The following RTL4 variants were observed in gnomAD, a reference collection of about 807,000 sequenced individuals.
RTL4 encodes the protein retrotransposon Gag-like protein 4.
RTL4 carries 4 observed loss-of-function variants against 5.3 expected under a neutral mutation model. The ratio of observed to expected loss-of-function variants is 0.75; its 90% CI spans 0.37 to 1.72. The LOEUF (loss-of-function observed/expected upper bound fraction) is 1.72. Ranked by LOEUF, RTL4 falls within the 40% of genes most tolerant of loss-of-function variation. The pLI is 0.04. For missense variants in RTL4, 260 were observed against 227.1 expected (o/e 1.14, Z -0.93); for synonymous variants, 98 against 87.3 (o/e 1.12, Z -0.68).
chrX:112,148,556 C>T, the RTL4 span, among the ~76,000 whole-genome samples: 6 of 111,144 alleles, frequency 5.4e-5, no homozygotes, highest in Admixed American at 1.9e-4. Flanking sequence ...GGAGTTTGAC[C>T]TACTGGTCAG....
At chrX:112,226,102 T>C in the RTL4 span, among the ~76,000 whole-genome samples, 1 of 111,872 alleles carries the variant, frequency 8.9e-6, no homozygotes, top group East Asian at 2.8e-4. Context: ...AGGGTGTGAG[T>C]AGGAAGTTGG....
the RTL4 span, among the ~76,000 whole-genome samples, chrX:112,169,563 TTAA>T: frequency 9.0e-6 from 1 of 111,334 alleles, no homozygotes; most frequent in South Asian, 3.8e-4. Context: ...GGCACCAGAG[TTAA>T]TAAGGGACCT....
At chrX:112,252,761 G>C in the RTL4 span, among the ~76,000 whole-genome samples, 1 of 111,104 alleles carries the variant, frequency 9.0e-6, no homozygotes. Context: ...GGTGCCACTT[G>C]CTAGCTGATA....
chrX:112,306,453 TATC>T, the RTL4 span, among the ~76,000 whole-genome samples: 1 of 111,417 alleles, frequency 9.0e-6, no homozygotes, highest in Non-Finnish European at 1.9e-5. Context: ...TCAATTCTAT[TATC>T]CTCATTTTAC....
At chrX:112,126,123 C>G in the RTL4 span, among the ~76,000 whole-genome samples, 2 of 111,715 alleles carry the variant, frequency 1.8e-5, no homozygotes, top group African/African-American at 6.5e-5. Context: ...TGAAAAGTTG[C>G]CTTAACCTTG....
the RTL4 span, among the ~76,000 whole-genome samples, chrX:112,201,187 G>A: frequency 9.0e-6 from 1 of 110,574 alleles, no homozygotes; most frequent in East Asian, 2.9e-4. Context: ...ATCAGGTTTC[G>A]TAAGAACTCA....
chrX:112,099,168 A>G, the RTL4 span, among the ~76,000 whole-genome samples: 3 of 111,927 alleles, frequency 2.7e-5, no homozygotes, highest in African/African-American at 3.2e-5. Context: ...AATCTACAAT[A>G]AACTCAAACA....
At chrX:112,378,258 T>A in the RTL4 span, among the ~76,000 whole-genome samples, 732 of 111,081 alleles carry the variant, frequency 6.6e-3, 3 homozygotes, top group African/African-American at 0.022. Flanking sequence ...CCAAGCTTGG[T>A]TCATAGATGG....
chrX:112,121,926 A>G, the RTL4 span, among the ~76,000 whole-genome samples: 1 of 112,056 alleles, frequency 8.9e-6, no homozygotes, highest in Non-Finnish European at 1.9e-5. Flanking sequence ...TATATTCATA[A>G]TAAAAATCAG....
the RTL4 span, among the ~76,000 whole-genome samples, chrX:112,396,119 C>T: frequency 9.0e-6 from 1 of 111,050 alleles, no homozygotes; most frequent in Admixed American, 9.5e-5. Context: ...AGTTCCAATT[C>T]TGATTGCTGG....
chrX:112,401,312 C>G, the RTL4 span, among the ~76,000 whole-genome samples: 5 of 111,343 alleles, frequency 4.5e-5, no homozygotes, highest in Non-Finnish European at 7.5e-5. Flanking sequence ...CTATTCTTAT[C>G]TGTACATTTT....
the RTL4 span, among the ~76,000 whole-genome samples, chrX:112,279,621 A>G: frequency 9.0e-6 from 1 of 111,205 alleles, no homozygotes; most frequent in African/African-American, 3.3e-5. Context: ...AAAAAATGTA[A>G]TATATGAAAC....
chrX:112,093,698 C>T, the RTL4 span, among the ~76,000 whole-genome samples: 1 of 111,786 alleles, frequency 8.9e-6, no homozygotes, highest in African/African-American at 3.2e-5. Context: ...GATTTGATGA[C>T]AGGATTTAGT....
chrX:112,250,843 C>T, the RTL4 span, among the ~76,000 whole-genome samples: 8 of 111,947 alleles, frequency 7.1e-5, no homozygotes, highest in African/African-American at 2.6e-4. Flanking sequence ...ATACATTAGG[C>T]AACAATTCTG....
At chrX:112,244,746 G>T in the RTL4 span, among the ~76,000 whole-genome samples, 1 of 111,649 alleles carries the variant, frequency 9.0e-6, no homozygotes, top group Admixed American at 9.6e-5. Flanking sequence ...TATGATGTTA[G>T]CTGGTTATTT....
chrX:112,228,430 C>CA, the RTL4 span, among the ~76,000 whole-genome samples: 1 of 112,159 alleles, frequency 8.9e-6, no homozygotes, highest in African/African-American at 3.2e-5. Context: ...ATTTGATTGA[C>CA]AAAATTATAT....
At chrX:112,240,613 G>A in the RTL4 span, among the ~76,000 whole-genome samples, 1 of 111,776 alleles carries the variant, frequency 8.9e-6, no homozygotes, top group African/African-American at 3.3e-5. Flanking sequence ...TTTCTACTAA[G>A]CACATATTGC....
the RTL4 span, among the ~76,000 whole-genome samples, chrX:112,123,639 T>C: frequency 8.9e-6 from 1 of 112,077 alleles, no homozygotes; most frequent in Non-Finnish European, 1.9e-5. Flanking sequence ...TGTGGTGTTA[T>C]TTCTGAGGTC....
At chrX:112,380,779 G>A in the RTL4 span, among the ~76,000 whole-genome samples, 1 of 112,038 alleles carries the variant, frequency 8.9e-6, no homozygotes, top group Admixed American at 9.4e-5. Context: ...ACTAGTGACA[G>A]TGGCGAGGAA....
Sources: gnomAD v4.1 joint callset for allele counts (sites outside exome capture counted in the v4.1 genomes callset) on GRCh38, gnomAD v4.1.1 for gene constraint, MANE v1.5 for transcripts, NCBI Gene and HGNC (gene_info 2026-07-23, HGNC 2026-07-21) for gene names.